Variants in TDRD12 observed in about 807,000 individuals in gnomAD.
The protein encoded by TDRD12 is tudor domain containing 12, also known as putative ATP-dependent RNA helicase TDRD12.
A neutral mutation model predicts 133.5 loss-of-function variants in TDRD12; 158 were observed. That is an observed-to-expected ratio of 1.18 (90% CI 1.04 to 1.35). TDRD12 has a LOEUF of 1.35. Among genes scored for constraint, TDRD12 ranks in the 40% most tolerant of loss-of-function variants. The pLI is 0.00. For synonymous variants in TDRD12, 460 were observed against 477.9 expected, an observed-to-expected ratio of 0.96 and a Z score of 0.49; for missense variants, 1,443 against 1,321.3, an observed-to-expected ratio of 1.09 and a Z score of -1.43.
intron 21 of TDRD12, among the ~76,000 whole-genome samples, chr19:32,803,776 C>A (rs1030865502): frequency 1.3e-5 from 2 of 151,968 alleles, no homozygotes; most frequent in Non-Finnish European, 2.9e-5. Context: ...AGTGGTAAAC[C>A]ATTGTGATGT....
chr19:32,808,873 T>C (rs1966903716), intron 22 of TDRD12, among the ~76,000 whole-genome samples: 1 of 152,232 alleles, frequency 6.6e-6, no homozygotes, highest in African/African-American at 2.4e-5. Context: ...TTTGTGGATG[T>C]ATCTTTCTAA....
intron 2 of TDRD12, among the ~76,000 whole-genome samples, chr19:32,737,307 T>G (rs954486334): frequency 6.6e-6 from 1 of 151,776 alleles, no homozygotes; most frequent in African/African-American, 2.4e-5. Context: ...CTGGCTCAAG[T>G]GATCCTCCTG....
chr19:32,820,174 T>G (rs111322690), intron 27 of TDRD12, among the ~76,000 whole-genome samples: 1 of 152,028 alleles, frequency 6.6e-6, no homozygotes, highest in African/African-American at 2.4e-5. Context: ...ACTGCAGGCT[T>G]CTTCTGGGCC....
intron 14 of TDRD12, among the ~76,000 whole-genome samples, chr19:32,796,999 G>A (rs1352635372): frequency 1.2e-5 from 1 of 83,048 alleles, no homozygotes; most frequent in East Asian, 3.2e-4. Flanking sequence ...TTTTTTTTTT[G>A]AGATGGAGTC....
At chr19:32,770,329 C>A (rs1373510807) in intron 8 of TDRD12, among the ~76,000 whole-genome samples, 1 of 151,988 alleles carries the variant, frequency 6.6e-6, no homozygotes, top group East Asian at 1.9e-4. Context: ...TTCTATTGAC[C>A]GTAATTTTCC....
chr19:32,748,615 A>G (rs1969728617), intron 5 of TDRD12, 84 bp downstream of exon 5: 5 of 1,418,312 alleles, frequency 3.5e-6, no homozygotes, highest in Non-Finnish European at 3.8e-6. Context: ...GGGGTTGGAG[A>G]TGCCCCTGTT....
chr19:32,781,805 T>C (rs1267671009), intron 11 of TDRD12, among the ~76,000 whole-genome samples: 1 of 152,010 alleles, frequency 6.6e-6, no homozygotes, highest in Admixed American at 6.6e-5. Context: ...TGTCATTCAG[T>C]GGACACTTCC....
intron 11 of TDRD12, among the ~76,000 whole-genome samples, chr19:32,779,985 T>C (rs6510289): frequency 0.43 from 65,176 of 151,932 alleles, 14,532 homozygotes; most frequent in East Asian, 0.72. Context: ...TTTATTCTTC[T>C]GTTGTCTTCC....
intron 8 of TDRD12, among the ~76,000 whole-genome samples, chr19:32,767,501 A>G (rs1970332632): frequency 6.6e-6 from 1 of 152,196 alleles, no homozygotes; most frequent in Admixed American, 6.5e-5. Flanking sequence ...TAAGTAGTCA[A>G]TTCTTTCTTT....
intron 11 of TDRD12, among the ~76,000 whole-genome samples, chr19:32,782,283 A>G (rs970011959): frequency 1.1e-4 from 17 of 152,196 alleles, no homozygotes; most frequent in African/African-American, 3.9e-4. Flanking sequence ...CTGTCCCTGC[A>G]AAGGACATGA....
At chr19:32,727,909 C>T (rs899626999) in intron 1 of TDRD12, among the ~76,000 whole-genome samples, 1 of 152,176 alleles carries the variant, frequency 6.6e-6, no homozygotes. Context: ...CTCAGGTGAT[C>T]TGCCTGCTTT....
intron 1 of TDRD12, among the ~76,000 whole-genome samples, chr19:32,730,079 A>G (rs983380952): frequency 1.3e-5 from 2 of 151,940 alleles, no homozygotes; most frequent in African/African-American, 4.8e-5. Context: ...TGTGAGCCAC[A>G]GCACCCGGCT....
chr19:32,742,141 C>T (rs1003251340), intron 3 of TDRD12, among the ~76,000 whole-genome samples: 3 of 148,958 alleles, frequency 2.0e-5, no homozygotes, highest in Non-Finnish European at 4.4e-5. Context: ...ATTTGTCCAC[C>T]TAAGGAGCCT....
chr19:32,731,657 T>C (rs1213575084), intron 1 of TDRD12, 68 bp from the exon 2 acceptor site: 6 of 1,369,456 alleles, frequency 4.4e-6, no homozygotes, highest in Middle Eastern at 2.6e-4. Flanking sequence ...ATCGTGGCTC[T>C]AAAGTTTATT....
chr19:32,790,794 A>G, intron 12 of TDRD12, 170 bp from the exon 13 acceptor site: 1 of 1,479,568 alleles, frequency 6.8e-7, no homozygotes, highest in African/African-American at 1.4e-5. Flanking sequence ...ATAATAAACG[A>G]TCTTCCTTTT....
chr19:32,826,362 GT>G lies in TDRD12; in HGVS notation c.895+8del. On this transcript the variant is annotated splice_donor_region_variant and intron_variant, in intron 8 of 9. Transcript: ENST00000637289. ...AAGGGATAGAGTCGTTTTCAGGTAG[GT>G]TTATGTATAGTCATATAAAGTAAAA... 1 of 1,289,024 alleles carries G rather than the reference GT, an allele frequency of 7.8e-7. No individual in the cohort carries two copies. The highest frequency in any genetic ancestry group is 9.9e-7 in the Non-Finnish European group (1 of 1,010,872). The allele number at this position is 1,289,024 out of a possible 1,614,324, so 79.8% of individuals were successfully genotyped here.
chr19:32,762,090 C>G lies in TDRD12; in HGVS notation c.865+4960C>G, dbSNP rs143724610. Among the ~76,000 whole-genome samples the G allele has an allele frequency of 2.1e-3, 316 of 152,206 alleles. 2 individuals are homozygous for G. The highest frequency in any genetic ancestry group is 7.4e-3 in the African/African-American group (306 of 41,532). ...CCTTTGTACATTTTGGATAACAATC[C>G]TTTTTTTACATGTGTCCTTTGCAAA... is the stretch of plus-strand genomic sequence containing the variant. On this transcript the variant is annotated intron_variant, in intron 8 of 27. Coordinates refer to ENST00000444215, the Ensembl canonical transcript of TDRD12.
At position 32,731,673 on chromosome 19, in the gene TDRD12, G is replaced by T. The variant is rs910264714; in HGVS notation, c.25-52G>T. On this transcript the variant is annotated intron_variant, in intron 1 of 27. Transcript: ENST00000444215. The stretch of plus-strand genomic sequence containing the variant: ...TCGTGGCTCTAAAGTTTATTTTGTG[G>T]TACTACTTTTAAATCATACGCTGTT... 7 of 1,419,332 alleles carry T rather than the reference G, an allele frequency of 4.9e-6. No individual in the cohort carries two copies. The Admixed American group carries it at 1.8e-4, about 36-fold the overall frequency. The allele number at this position is 1,419,332 out of a possible 1,614,324, so 87.9% of individuals were successfully genotyped here.
At chr19:32,756,471 T>C (rs1969997074) in intron 7 of TDRD12, among the ~76,000 whole-genome samples, 1 of 151,742 alleles carries the variant, frequency 6.6e-6, no homozygotes. Flanking sequence ...CACTGCAAGC[T>C]CCTCCCCCCA....
Sources: gnomAD v4.1 joint callset for allele counts (sites outside exome capture counted in the v4.1 genomes callset) on GRCh38, gnomAD v4.1.1 for gene constraint, MANE v1.5 for transcripts, NCBI Gene and HGNC (gene_info 2026-07-23, HGNC 2026-07-21) for gene names.